The following PDPR variants were observed in gnomAD, a reference collection of about 807,000 sequenced individuals.
PDPR encodes the protein pyruvate dehydrogenase phosphatase regulatory subunit, mitochondrial.
In PDPR, 50 loss-of-function variants were observed where a neutral mutation model predicts 102.2. The observed-to-expected ratio is 0.49, with a 90% CI of 0.39 to 0.62. The LOEUF (loss-of-function observed/expected upper bound fraction) is 0.62, where lower values mean the gene tolerates loss of function less well. PDPR is among the 20% of genes least tolerant of loss of function. The pLI is 0.00. For synonymous variants in PDPR, 259 were observed against 406.0 expected, an observed-to-expected ratio of 0.64 and a Z score of 4.35; for missense variants, 625 against 1,098.2, an observed-to-expected ratio of 0.57 and a Z score of 6.09.
rs764813272 is a variant in PDPR, at chr16:70,156,810, T to G, written c.2571T>G (p.Pro857=). 5.6e-6 allele frequency: 9 copies of G among 1,614,066 alleles called. No individual in the cohort carries two copies. The highest frequency in any genetic ancestry group is 7.6e-6 in the Non-Finnish European group (9 of 1,179,892). ...YRFQAKAKLY[P]VASLFTQKRR... ...TCCAGGCCAAGGCCAAGCTCTACCC[T>G]GTCGCCTCCCTCTTCACCCAGAAGC... Residue 857 remains proline, a synonymous_variant, in exon 19 of 19, where the codon CCT becomes CCG. Transcript: ENST00000288050.
At chr16:70,152,330 T>G (rs1567560338) in intron 17 of PDPR, among the ~76,000 whole-genome samples, 1 of 152,242 alleles carries the variant, frequency 6.6e-6, no homozygotes. Flanking sequence ...AGCAGCCTGG[T>G]CAACATGGCG....
intron 18 of PDPR, among the ~76,000 whole-genome samples, chr16:70,153,984 CCTAG>C (rs796937880): frequency 3.9e-4 from 60 of 152,234 alleles, no homozygotes; most frequent in African/African-American, 1.4e-3. Context: ...TCGAGATCAT[CCTAG>C]CTAACACAGT....
chr16:70,116,537 T>C (rs888337695), intron 2 of PDPR, among the ~76,000 whole-genome samples: 4 of 141,302 alleles, frequency 2.8e-5, no homozygotes, highest in Non-Finnish European at 4.6e-5. Flanking sequence ...TGAGCCCCTC[T>C]CTACAAAAAA....
chr16:70,140,235 G>A (rs1370528262), intron 11 of PDPR, among the ~76,000 whole-genome samples: 10 of 152,248 alleles, frequency 6.6e-5, no homozygotes, highest in Non-Finnish European at 1.2e-4. Flanking sequence ...CAGCTACTTG[G>A]GAGGCTGAGG....
At chr16:70,153,155 T>C (rs1423005549) in intron 17 of PDPR, among the ~76,000 whole-genome samples, 4 of 152,282 alleles carry the variant, frequency 2.6e-5, no homozygotes, top group African/African-American at 9.6e-5. Flanking sequence ...CAAGACATTT[T>C]AGAGAGGTGA....
chr16:70,163,306 T>G (rs1489921124), downstream of PDPR, among the ~76,000 whole-genome samples: 7 of 151,794 alleles, frequency 4.6e-5, no homozygotes, highest in Non-Finnish European at 7.4e-5. Context: ...GAGAATCTCA[T>G]AGGTTAACAT....
At chr16:70,155,491 G>T (rs1278736633) in intron 18 of PDPR, among the ~76,000 whole-genome samples, 1 of 152,264 alleles carries the variant, frequency 6.6e-6, no homozygotes, top group Non-Finnish European at 1.5e-5. Flanking sequence ...TGGCGCATCT[G>T]TGGGCCCAGC....
In PDPR at chr16:70,161,147, T is replaced by TA. The variant is rs376578905; in HGVS notation, c.*4269dup. ...GTTTGGTTGGCCGGGCGTGGTCGCT[T>TA]ACTCCTGTAATCCCAGCACTTTGGG... On this transcript the variant is annotated 3_prime_UTR_variant, in exon 19 of 19. Transcript: ENST00000288050. 1 of 153,000 alleles carries TA rather than the reference T, an allele frequency of 6.5e-6. No individual in the cohort carries two copies. The highest frequency in any genetic ancestry group is 1.9e-4 in the East Asian group (1 of 5,188). The allele number at this position is 153,000 out of a possible 1,614,324, so 9.5% of individuals were successfully genotyped here. A position where few individuals can be genotyped will look rare whatever the true frequency, so the allele number is the denominator to read the frequency against.
At chr16:70,154,054 C>T (rs1165923704) in intron 18 of PDPR, among the ~76,000 whole-genome samples, 1 of 152,262 alleles carries the variant, frequency 6.6e-6, no homozygotes, top group Non-Finnish European at 1.5e-5. Context: ...TTGCGGGCGC[C>T]TATAGTCAGG....
chr16:70,129,760 G>C (rs1380543287), intron 6 of PDPR, among the ~76,000 whole-genome samples: 1 of 152,276 alleles, frequency 6.6e-6, no homozygotes, highest in African/African-American at 2.4e-5. Context: ...GAGCCCAGTT[G>C]CATTGAATGA....
intron 3 of PDPR, among the ~76,000 whole-genome samples, chr16:70,123,500 A>G (rs1963574864): frequency 6.6e-6 from 1 of 152,270 alleles, no homozygotes; most frequent in East Asian, 1.9e-4. Flanking sequence ...AACCTCCCAA[A>G]GTACTGGGGT....
At chr16:70,130,907 GCTT>G (rs1418491651) in intron 7 of PDPR, among the ~76,000 whole-genome samples, 2 of 152,402 alleles carry the variant, frequency 1.3e-5, no homozygotes, top group African/African-American at 4.8e-5. Context: ...CCAGGACACT[GCTT>G]CTTTTAAAGC....
In PDPR at chr16:70,120,405, A is replaced by G. The variant is rs1963117571; in HGVS notation, c.-32-56A>G. 5 of 878,752 alleles carry G rather than the reference A, an allele frequency of 5.7e-6. No homozygotes were observed. The East Asian group carries it at 7.8e-5, about 14-fold the overall frequency. 54.4% of individuals were successfully genotyped at this position (878,752 alleles called of 1,614,324 possible). Reference sequence around the variant, plus strand: ...TCGTTCTTTGTCAAATCCCTTTCTCATTAATCCCATGCACTGAGTAGAATG... The same window carrying G: ...TCGTTCTTTGTCAAATCCCTTTCTCGTTAATCCCATGCACTGAGTAGAATG... On this transcript the variant is annotated intron_variant, in intron 2 of 18. Transcript: ENST00000288050.
intron 3 of PDPR, among the ~76,000 whole-genome samples, chr16:70,123,448 GGCTGGCCTCAAACT>G: frequency 6.6e-6 from 1 of 152,168 alleles, no homozygotes. Context: ...TTGTTGTCCA[GGCTGGCCTCAAACT>G]CCTGGGCTCA....
chr16:70,155,636 CGCCT>C (rs1967073723), intron 18 of PDPR, among the ~76,000 whole-genome samples: 1 of 152,230 alleles, frequency 6.6e-6, no homozygotes, highest in Non-Finnish European at 1.5e-5. Context: ...GAGATCCCCC[CGCCT>C]TAGCCTCCCA....
At chr16:70,141,612 C>A (rs1207751670) in intron 11 of PDPR, among the ~76,000 whole-genome samples, 1 of 152,284 alleles carries the variant, frequency 6.6e-6, no homozygotes, top group Non-Finnish European at 1.5e-5. Context: ...TGCTATGAAG[C>A]TTGGTAAGGT....
At chr16:70,141,904 A>G (rs933968437) in intron 11 of PDPR, among the ~76,000 whole-genome samples, 1 of 152,286 alleles carries the variant, frequency 6.6e-6, no homozygotes, top group Non-Finnish European at 1.5e-5. Flanking sequence ...GTTTGAGACC[A>G]GCCTGACCAA....
chr16:70,129,775 A>G (rs1964351298), intron 6 of PDPR, among the ~76,000 whole-genome samples: 1 of 152,270 alleles, frequency 6.6e-6, no homozygotes, highest in Non-Finnish European at 1.5e-5. Context: ...GAATGAGGGG[A>G]AGACTTAACT....
At chr16:70,124,175 C>T (rs1198579060) in intron 3 of PDPR, among the ~76,000 whole-genome samples, 1 of 152,266 alleles carries the variant, frequency 6.6e-6, no homozygotes, top group Non-Finnish European at 1.5e-5. Flanking sequence ...CCAGCCTGCC[C>T]AACATGGGGA....
Sources: gnomAD v4.1 joint callset for allele counts (sites outside exome capture counted in the v4.1 genomes callset) on GRCh38, gnomAD v4.1.1 for gene constraint, MANE v1.5 for transcripts, NCBI Gene and HGNC (gene_info 2026-07-23, HGNC 2026-07-21) for gene names.